Variants in NMNAT1 observed in about 807,000 individuals in gnomAD.
The protein encoded by NMNAT1 is nicotinamide/nicotinic acid mononucleotide adenylyltransferase 1.
In NMNAT1, 11 loss-of-function variants were observed where a neutral mutation model predicts 16.7. That is an observed-to-expected ratio of 0.66 (90% confidence interval 0.41 to 1.09). NMNAT1 has a LOEUF of 1.09. Ranked by LOEUF, NMNAT1 falls within the 50% of genes least tolerant of loss-of-function variation. The pLI, the probability that NMNAT1 is intolerant of heterozygous loss-of-function variation, is 0.00. For missense variants in NMNAT1, 280 were observed against 332.3 expected (o/e 0.84, Z 1.22); for synonymous variants, 110 against 119.8 (o/e 0.92, Z 0.53).
At chr1:9,961,911 G>A (rs1380009045) in intron 1 of NMNAT1, among the ~76,000 whole-genome samples, 1 of 151,894 alleles carries the variant, frequency 6.6e-6, no homozygotes, top group Non-Finnish European at 1.5e-5. Context: ...TGGGATTATG[G>A]GCATGTGCCA....
chr1:9,960,409 C>T (rs905164441), intron 1 of NMNAT1, among the ~76,000 whole-genome samples: 2 of 152,004 alleles, frequency 1.3e-5, no homozygotes, highest in Non-Finnish European at 2.9e-5. Flanking sequence ...TGCCTCTAAT[C>T]CCAGCACCGT....
At chr1:9,980,190 C>T (rs1207108216) in intron 3 of NMNAT1, among the ~76,000 whole-genome samples, 1 of 151,884 alleles carries the variant, frequency 6.6e-6, no homozygotes, top group Non-Finnish European at 1.5e-5. Context: ...CCTTGGCCTC[C>T]CAAAGTGCTG....
the NMNAT1 span, among the ~76,000 whole-genome samples, chr1:9,992,015 C>T: frequency 6.6e-6 from 1 of 151,986 alleles, no homozygotes; most frequent in African/African-American, 2.4e-5. Context: ...AGCCACCCCA[C>T]TCCAGCCTGG....
At chr1:9,993,796 A>G in the NMNAT1 span, among the ~76,000 whole-genome samples, 1 of 152,152 alleles carries the variant, frequency 6.6e-6, no homozygotes, top group Non-Finnish European at 1.5e-5. Flanking sequence ...AATGGAATGT[A>G]TGGAGATAAG....
chr1:9,984,870 G>A lies in NMNAT1; in HGVS notation c.*2169G>A, dbSNP rs987264553. ...AGTGGCTTTTCCTTGGTGATGAAGG[G>A]GTAGAGATTGAGCCATGGGGATGGT... On this transcript the variant is annotated 3_prime_UTR_variant, in exon 5 of 5. Transcript: ENST00000377205. The A allele has an allele frequency of 6.6e-6, 1 of 152,112 alleles. No individual in the cohort carries two copies. Among genetic ancestry groups the A allele is most frequent in the African/African-American group, 2.4e-5 (1 of 41,428 alleles). 9.4% of individuals were successfully genotyped at this position (152,112 alleles called of 1,614,324 possible). A position where few individuals can be genotyped will look rare whatever the true frequency, so the allele number is the denominator to read the frequency against.
chr1:9,946,862 G>A (rs1201225451), intron 1 of NMNAT1, among the ~76,000 whole-genome samples: 1 of 152,156 alleles, frequency 6.6e-6, no homozygotes, highest in Non-Finnish European at 1.5e-5. Context: ...GACAGGAACA[G>A]AGCTGCCACC....
chr1:9,951,929 ATAT>A (rs1641122985), intron 1 of NMNAT1, among the ~76,000 whole-genome samples: 1 of 152,230 alleles, frequency 6.6e-6, no homozygotes, highest in Non-Finnish European at 1.5e-5. Flanking sequence ...CCATCTCCAC[ATAT>A]CTCTTCTTTT....
chr1:9,981,166 A>G lies in NMNAT1; in HGVS notation c.435A>G (p.Thr145=), dbSNP rs188112051. The G allele has an allele frequency of 6.2e-7, 1 of 1,610,310 alleles. No individual in the cohort carries two copies. The highest frequency in any genetic ancestry group is 1.7e-5 in the Admixed American group (1 of 58,976). Residue 145 remains threonine (T), a synonymous_variant, in exon 4 of 5, where the codon ACA becomes ACG. Transcript: ENST00000377205. The part of the protein sequence containing the change: ...SSQKKSLEPK[T]KAVPKVKLLC... ...AAAAGAAATCCCTAGAGCCAAAAAC[A>G]AAAGGTTTGTATGTTTTAGCAGGAC...
chr1:9,964,643 G>A (rs1641499215), intron 1 of NMNAT1, among the ~76,000 whole-genome samples: 1 of 151,898 alleles, frequency 6.6e-6, no homozygotes, highest in African/African-American at 2.4e-5. Flanking sequence ...ATATTTCTAT[G>A]TTAATTATAA....
At chr1:9,956,139 G>C (rs1641253390) in intron 1 of NMNAT1, among the ~76,000 whole-genome samples, 2 of 150,816 alleles carry the variant, frequency 1.3e-5, no homozygotes. Context: ...GTCATCACTG[G>C]TAAATAAATA....
intron 2 of NMNAT1, among the ~76,000 whole-genome samples, chr1:9,974,589 C>T (rs555062968): frequency 2.6e-5 from 4 of 151,976 alleles, no homozygotes; most frequent in East Asian, 1.9e-4. Flanking sequence ...AGGGTTTCAC[C>T]GTGTTAGCCA....
intron 2 of NMNAT1, among the ~76,000 whole-genome samples, chr1:9,973,589 T>C (rs1271213202): frequency 6.7e-6 from 1 of 149,422 alleles, no homozygotes; most frequent in African/African-American, 2.5e-5. Context: ...GTGCCTGTAG[T>C]CCCAGCTACT....
chr1:9,994,694 G>A, the NMNAT1 span, among the ~76,000 whole-genome samples: 8 of 143,402 alleles, frequency 5.6e-5, no homozygotes, highest in Non-Finnish European at 9.1e-5. Flanking sequence ...CTCACTGCAA[G>A]CTCCGCCTCC....
intron 1 of NMNAT1, among the ~76,000 whole-genome samples, chr1:9,959,411 G>C (rs1052753047): frequency 6.8e-6 from 1 of 146,260 alleles, no homozygotes; most frequent in Admixed American, 6.9e-5. Flanking sequence ...GGCCGGGTGC[G>C]GTGACTCACG....
chr1:9,964,038 C>T (rs1219950292), intron 1 of NMNAT1, among the ~76,000 whole-genome samples: 4 of 151,620 alleles, frequency 2.6e-5, no homozygotes, highest in African/African-American at 9.7e-5. Flanking sequence ...ATTACAGGCA[C>T]CAGCCACCAC....
chr1:9,949,610 A>G (rs1641061592), intron 1 of NMNAT1: 1 of 151,314 alleles, frequency 6.6e-6, no homozygotes, highest in Admixed American at 6.6e-5. Context: ...ATGTATGTGT[A>G]TATATATAAT....
chr1:9,957,834 C>T (rs564790233), intron 1 of NMNAT1, among the ~76,000 whole-genome samples: 36 of 152,172 alleles, frequency 2.4e-4, no homozygotes, highest in Non-Finnish European at 4.6e-4. Context: ...CAGACTGTTT[C>T]CGCTAAGAAT....
chr1:9,951,991 T>C (rs1641124622), intron 1 of NMNAT1, among the ~76,000 whole-genome samples: 1 of 152,146 alleles, frequency 6.6e-6, no homozygotes, highest in African/African-American at 2.4e-5. Flanking sequence ...ACAGCCAAAC[T>C]TTCAGATTAA....
intron 1 of NMNAT1, among the ~76,000 whole-genome samples, chr1:9,957,514 C>T (rs1342564128): frequency 6.6e-6 from 1 of 151,678 alleles, no homozygotes; most frequent in Non-Finnish European, 1.5e-5. Flanking sequence ...AGGCTGGTCT[C>T]GAACTATTGA....
Sources: allele counts gnomAD v4.1 joint callset (sites outside exome capture counted in the v4.1 genomes callset), GRCh38; gene constraint gnomAD v4.1.1; transcripts MANE v1.5; gene names NCBI Gene and HGNC (gene_info 2026-07-23, HGNC 2026-07-21).